The following TPH2 variants were observed in gnomAD, a reference collection of about 807,000 sequenced individuals.
The protein encoded by TPH2 is tryptophan 5-hydroxylase 2.
A neutral mutation model predicts 59.1 loss-of-function variants in TPH2; 27 were observed. The observed-to-expected ratio is 0.46, with a 90% confidence interval of 0.34 to 0.63. The LOEUF is 0.63. Among genes scored for constraint, TPH2 ranks in the 30% least tolerant of loss-of-function variants. The pLI is 0.01. For synonymous variants in TPH2, 220 were observed against 210.5 expected (o/e 1.05, Z -0.39); for missense variants, 523 against 588.3 (o/e 0.89, Z 1.15).
At chr12:71,972,217 T>G (rs1871991466) in intron 5 of TPH2, among the ~76,000 whole-genome samples, 2 of 152,216 alleles carry the variant, frequency 1.3e-5, no homozygotes, top group Non-Finnish European at 2.9e-5. Context: ...AACCAGTTCC[T>G]TCCAACCCGT....
In TPH2 at chr12:71,968,720, A is replaced by G. The variant is rs561582699; in HGVS notation, c.609-3799A>G. On this transcript the variant is annotated intron_variant, in intron 5 of 10. Coordinates refer to ENST00000333850, the MANE Select transcript of TPH2 (RefSeq NM_173353.4). ...TCCCTCAAACACTGACCTCCTCACA[A>G]TGCTGAGCATCTCTGATTCCCTAGT... Among the ~76,000 whole-genome samples the G allele has an allele frequency of 3.3e-3, 502 of 152,334 alleles. 1 individual carries two copies. Among genetic ancestry groups the G allele is most frequent in the African/African-American group, 0.012 (487 of 41,586 alleles).
rs1479678421 is a variant in TPH2, at chr12:71,941,738, A to G, written c.255+5A>G. ...AAAGCACTGAGGCTCTTTCAGGTGA[A>G]TGTGAAATATCATTACATAATTTTA... On this transcript the variant is annotated splice_donor_5th_base_variant and intron_variant, in intron 2 of 10. Coordinates refer to ENST00000333850, the MANE Select transcript of TPH2 (RefSeq NM_173353.4). The G allele has an allele frequency of 5.6e-6, 9 of 1,613,520 alleles. No homozygotes were observed. In the Admixed American group the frequency reaches 1.5e-4, roughly 27 times the overall value.
At chr12:71,987,997 G>T (rs921733601) in intron 7 of TPH2, among the ~76,000 whole-genome samples, 11 of 152,138 alleles carry the variant, frequency 7.2e-5, no homozygotes, top group Admixed American at 1.3e-4. Flanking sequence ...TACACATTTG[G>T]TTCTTCAGTA....
At chr12:72,015,391 T>C (rs973425161) in intron 8 of TPH2, among the ~76,000 whole-genome samples, 4 of 146,096 alleles carry the variant, frequency 2.7e-5, no homozygotes, top group Admixed American at 2.1e-4. Flanking sequence ...GCGATCTTGG[T>C]TCACTGCAAG....
In TPH2 at chr12:71,968,143, T is replaced by G. The variant is rs114211500; in HGVS notation, c.609-4376T>G. 3.5e-3 allele frequency among the ~76,000 whole-genome samples: 530 copies of G among 152,302 alleles called. 6 individuals are homozygous for G. Among genetic ancestry groups the G allele is most frequent in the African/African-American group, 0.012 (510 of 41,572 alleles). On this transcript the variant is annotated intron_variant, in intron 5 of 10. Transcript: ENST00000333850. ...CTCACCCTGGTTCTGACAAATCCCT[T>G]TCGATAGAGTGTTCTCTGCTGAAAT...
At chr12:72,016,134 T>A (rs1873245184) in intron 8 of TPH2, among the ~76,000 whole-genome samples, 1 of 152,144 alleles carries the variant, frequency 6.6e-6, no homozygotes, top group Non-Finnish European at 1.5e-5. Context: ...AGTATTCCCA[T>A]CTATAAAATG....
At chr12:71,972,774 C>A in intron 6 of TPH2, 59 bp downstream of exon 6, 1 of 1,549,886 alleles carries the variant, frequency 6.5e-7, no homozygotes, top group Non-Finnish European at 8.9e-7. Context: ...CTTCCAAGGA[C>A]ACAGGTTGCA....
At chr12:72,026,304 A>G (rs550686563) in intron 9 of TPH2, among the ~76,000 whole-genome samples, 41 of 152,278 alleles carry the variant, frequency 2.7e-4, no homozygotes, top group African/African-American at 8.7e-4. Flanking sequence ...GATGGTTTAA[A>G]CAAATTTACT....
At chr12:71,973,846 C>T (rs964009068) in intron 6 of TPH2, among the ~76,000 whole-genome samples, 6 of 152,122 alleles carry the variant, frequency 3.9e-5, no homozygotes, top group African/African-American at 1.4e-4. Context: ...AGGGATTGTA[C>T]TTGTTGCTGA....
chr12:71,955,510 G>A (rs1386489), intron 5 of TPH2, among the ~76,000 whole-genome samples: 127,027 of 152,156 alleles, frequency 0.83, 53,161 homozygotes, highest in East Asian at 0.94. Flanking sequence ...GTCAAAAGTC[G>A]GAGCTGCACT....
At chr12:72,013,272 A>G (rs2139237134) in intron 8 of TPH2, among the ~76,000 whole-genome samples, 1 of 152,300 alleles carries the variant, frequency 6.6e-6, no homozygotes, top group East Asian at 1.9e-4. Flanking sequence ...TTTCTAGCTG[A>G]CAAGATGTTT....
intron 6 of TPH2, among the ~76,000 whole-genome samples, chr12:71,975,984 T>G (rs1478614370): frequency 6.6e-6 from 1 of 152,230 alleles, no homozygotes; most frequent in African/African-American, 2.4e-5. Context: ...ACCTCATAAA[T>G]ACTGTTGTAT....
intron 5 of TPH2, among the ~76,000 whole-genome samples, chr12:71,968,690 C>A (rs1347601927): frequency 6.6e-6 from 1 of 152,228 alleles, no homozygotes; most frequent in African/African-American, 2.4e-5. Context: ...AAAGAAACTG[C>A]CCTTTCCCTC....
At chr12:71,996,764 C>T (rs578255603) in intron 8 of TPH2, among the ~76,000 whole-genome samples, 1 of 152,064 alleles carries the variant, frequency 6.6e-6, no homozygotes, top group Non-Finnish European at 1.5e-5. Flanking sequence ...GGAGGTGGAT[C>T]CTCCTTGTGA....
intron 8 of TPH2, among the ~76,000 whole-genome samples, chr12:72,013,672 T>C (rs572754694): frequency 2.0e-5 from 3 of 152,380 alleles, no homozygotes; most frequent in African/African-American, 7.2e-5. Context: ...TTTATTATTA[T>C]CATTAGTCTC....
intron 6 of TPH2, among the ~76,000 whole-genome samples, chr12:71,978,541 G>T (rs1340239849): frequency 6.6e-6 from 1 of 152,182 alleles, no homozygotes; most frequent in Admixed American, 6.5e-5. Context: ...TGAAGGGGGT[G>T]CTTAGCTGTG....
Position 72,002,316 on chromosome 12 carries a change from A to G in TPH2, c.1068+7751A>G, listed in dbSNP as rs544820112. On this transcript the variant is annotated intron_variant, in intron 8 of 10. Coordinates refer to ENST00000333850, the MANE Select transcript of TPH2 (RefSeq NM_173353.4). ...TAAGCAGAATCACAGGTGTCACTGG[A>G]TGAGGGAGGGGGAGAGAGACAGAGA... Among the ~76,000 whole-genome samples, 116 of 152,280 alleles carry G rather than the reference A, an allele frequency of 7.6e-4. 1 individual carries two copies. The highest frequency in any genetic ancestry group is 4.2e-3 in the South Asian group (20 of 4,818).
chr12:71,982,342 C>A (rs1262474976), intron 7 of TPH2, among the ~76,000 whole-genome samples: 1 of 151,930 alleles, frequency 6.6e-6, no homozygotes, highest in Non-Finnish European at 1.5e-5. Flanking sequence ...ATGCATAATT[C>A]AGAATTTAAA....
At chr12:72,018,821 T>C (rs941211462) in intron 8 of TPH2, among the ~76,000 whole-genome samples, 3 of 152,180 alleles carry the variant, frequency 2.0e-5, no homozygotes, top group Admixed American at 2.0e-4. Flanking sequence ...TGAAGGAAAA[T>C]TATGCATCTA....
Sources: gnomAD v4.1 joint callset for allele counts (sites outside exome capture counted in the v4.1 genomes callset) on GRCh38, gnomAD v4.1.1 for gene constraint, MANE v1.5 for transcripts, NCBI Gene and HGNC (gene_info 2026-07-23, HGNC 2026-07-21) for gene names.